CSMD3: variants seen among roughly 807,000 people sequenced by gnomAD.
The protein encoded by CSMD3 is CUB and sushi domain-containing protein 3.
A neutral mutation model predicts 435.2 loss-of-function variants in CSMD3; 177 were observed. The ratio of observed to expected loss-of-function variants is 0.41; its 90% CI spans 0.36 to 0.46. The LOEUF is 0.46. Ranked by LOEUF, CSMD3 falls within the 20% of genes least tolerant of loss-of-function variation. The pLI is 0.34. For missense variants in CSMD3, 4,265 were observed against 4,504.6 expected (o/e 0.95, Z 1.52); for synonymous variants, 1,656 against 1,520.5 (o/e 1.09, Z -2.07).
At chr8:113,406,761 T>C (rs2094534630) in intron 1 of CSMD3, among the ~76,000 whole-genome samples, 1 of 152,082 alleles carries the variant, frequency 6.6e-6, no homozygotes, top group Non-Finnish European at 1.5e-5. Flanking sequence ...TTAATTATGA[T>C]TATTTGAAAC....
intron 5 of CSMD3, among the ~76,000 whole-genome samples, chr8:113,028,747 G>A (rs1223261551): frequency 2.0e-5 from 3 of 151,466 alleles, no homozygotes; most frequent in Admixed American, 6.6e-5. Context: ...TAAGATAAAT[G>A]AGGAAGCTGT....
At chr8:113,384,042 GGT>G (rs1209645330) in intron 1 of CSMD3, among the ~76,000 whole-genome samples, 1 of 151,956 alleles carries the variant, frequency 6.6e-6, no homozygotes, top group African/African-American at 2.4e-5. Flanking sequence ...AAATTTATAG[GGT>G]GTGTTCATCT....
intron 45 of CSMD3, among the ~76,000 whole-genome samples, chr8:112,330,289 C>T (rs866579036): frequency 4.7e-4 from 72 of 152,088 alleles, no homozygotes; most frequent in Non-Finnish European, 8.1e-4. Flanking sequence ...AATAATGAGT[C>T]ATTATGTAAT....
intron 3 of CSMD3, among the ~76,000 whole-genome samples, chr8:113,188,790 G>A (rs2092544946): frequency 6.6e-6 from 1 of 151,868 alleles, no homozygotes; most frequent in Non-Finnish European, 1.5e-5. Context: ...CCATAAGCAT[G>A]TGGAAGTGAG....
At chr8:112,532,250 T>G (rs528747901) in intron 27 of CSMD3, among the ~76,000 whole-genome samples, 2 of 151,634 alleles carry the variant, frequency 1.3e-5, no homozygotes, top group Non-Finnish European at 2.9e-5. Flanking sequence ...CAAATCTAAG[T>G]GTCATTGGAC....
intron 11 of CSMD3, among the ~76,000 whole-genome samples, chr8:112,835,608 A>T (rs2080001077): frequency 6.6e-6 from 1 of 151,822 alleles, no homozygotes; most frequent in Non-Finnish European, 1.5e-5. Context: ...TACAGGCATG[A>T]GAACTAAGAT....
intron 22 of CSMD3, among the ~76,000 whole-genome samples, chr8:112,622,209 A>C (rs1364252988): frequency 2.0e-5 from 3 of 152,176 alleles, no homozygotes; most frequent in Non-Finnish European, 4.4e-5. Context: ...AAACATTCTG[A>C]AGATCTTTAG....
intron 2 of CSMD3, among the ~76,000 whole-genome samples, chr8:113,280,958 A>G (rs1382446554): frequency 1.3e-5 from 2 of 151,958 alleles, no homozygotes; most frequent in African/African-American, 4.8e-5. Context: ...ATGTATTTGC[A>G]TGGTATTGAG....
chr8:112,471,580 A>G (rs1299287759), intron 32 of CSMD3, among the ~76,000 whole-genome samples: 2 of 152,158 alleles, frequency 1.3e-5, no homozygotes, highest in East Asian at 3.9e-4. Context: ...ACTCTCAAAT[A>G]AGTTGAAGAT....
intron 10 of CSMD3, among the ~76,000 whole-genome samples, chr8:112,901,085 T>C (rs1368762179): frequency 6.6e-6 from 1 of 151,218 alleles, no homozygotes; most frequent in Non-Finnish European, 1.5e-5. Flanking sequence ...GTGAAGGTTA[T>C]GTATACTAAG....
intron 1 of CSMD3, among the ~76,000 whole-genome samples, chr8:113,353,859 A>G (rs2132931455): frequency 6.6e-6 from 1 of 152,176 alleles, no homozygotes; most frequent in South Asian, 2.1e-4. Context: ...GCATCTTTTA[A>G]GAATTACTTC....
chr8:113,085,793 A>C (rs931931641), intron 5 of CSMD3, among the ~76,000 whole-genome samples: 4 of 152,204 alleles, frequency 2.6e-5, no homozygotes, highest in Non-Finnish European at 5.9e-5. Flanking sequence ...GGAGAGTGCT[A>C]GAGAGAGGTT....
chr8:113,413,423 C>T (rs1254505388), intron 1 of CSMD3, among the ~76,000 whole-genome samples: 1 of 151,998 alleles, frequency 6.6e-6, no homozygotes, highest in Non-Finnish European at 1.5e-5. Context: ...TTTGTTTAAA[C>T]TGCAGCATAA....
At chr8:113,240,982 A>T (rs573093423) in intron 3 of CSMD3, among the ~76,000 whole-genome samples, 4 of 152,082 alleles carry the variant, frequency 2.6e-5, no homozygotes, top group Non-Finnish European at 5.9e-5. Flanking sequence ...ATAATAAGGG[A>T]TTATTACGGG....
At chr8:113,190,410 A>G (rs957425981) in intron 3 of CSMD3, among the ~76,000 whole-genome samples, 9 of 151,864 alleles carry the variant, frequency 5.9e-5, no homozygotes, top group Non-Finnish European at 1.3e-4. Context: ...AGGAAACGAG[A>G]ACTGCAAATG....
At chr8:112,469,422 A>G (rs1818302090) in intron 32 of CSMD3, among the ~76,000 whole-genome samples, 1 of 152,118 alleles carries the variant, frequency 6.6e-6, no homozygotes, top group Non-Finnish European at 1.5e-5. Flanking sequence ...CTTAACCCCT[A>G]TGTAAAATGC....
intron 23 of CSMD3, among the ~76,000 whole-genome samples, chr8:112,581,823 AT>A (rs1830356551): frequency 6.6e-6 from 1 of 152,030 alleles, no homozygotes; most frequent in African/African-American, 2.4e-5. Flanking sequence ...CAGATTAATA[AT>A]GGAAAGAGAT....
intron 3 of CSMD3, among the ~76,000 whole-genome samples, chr8:113,228,631 C>T (rs1189123261): frequency 6.6e-6 from 1 of 151,342 alleles, no homozygotes; most frequent in African/African-American, 2.4e-5. Flanking sequence ...TATAAACATC[C>T]TCCTCCTTCT....
intron 32 of CSMD3, among the ~76,000 whole-genome samples, chr8:112,426,574 T>G (rs374066487): frequency 1.3e-5 from 2 of 152,174 alleles, no homozygotes; most frequent in Admixed American, 1.3e-4. Context: ...TCTGATCTTC[T>G]TAGCTAATGT....
Sources: allele counts gnomAD v4.1 joint callset (sites outside exome capture counted in the v4.1 genomes callset), GRCh38; gene constraint gnomAD v4.1.1; transcripts MANE v1.5; gene names NCBI Gene and HGNC (gene_info 2026-07-23, HGNC 2026-07-21).